Variants in SYT8 observed in about 807,000 individuals in gnomAD.
The protein encoded by SYT8 is synaptotagmin 8.
Under a neutral mutation model 34.9 loss-of-function variants are expected in SYT8, and 50 were observed. That is an observed-to-expected ratio of 1.43 (90% CI 1.14 to 1.81). SYT8 has a LOEUF of 1.81. Among genes scored for constraint, SYT8 ranks in the 40% most tolerant of loss-of-function variants. SYT8 has a pLI of 0.00. For missense variants in SYT8, 595 were observed against 529.0 expected (o/e 1.12, Z -1.22); for synonymous variants, 255 against 234.2 (o/e 1.09, Z -0.81).
In SYT8 at chr11:1,835,135, C is replaced by T; in HGVS notation, c.30C>T (p.Ala10=). The T allele has an allele frequency of 3.1e-6, 5 of 1,613,420 alleles. No individual in the cohort carries two copies. Among genetic ancestry groups the T allele is most frequent in the Non-Finnish European group, 4.2e-6 (5 of 1,179,916 alleles). The change falls in exon 1 of 8, where the codon GCC becomes GCT. Residue 10 remains alanine (A), a synonymous_variant. Coordinates refer to ENST00000341958, the MANE Select transcript of SYT8 (RefSeq NM_001394072.1). MGHPPVSPS[A]PAPAGTTAIP... is the part of the protein sequence containing the mutation. ...GGCACCCACCAGTCTCTCCCAGTGC[C>T]CCGGCCCCAGCTGGCACCACAGCTA...
chr11:1,835,462 G>A lies in SYT8; in HGVS notation c.258+3G>A. ...GCGGCACCACCACCACCCACCTGGT[G>A]AGGAGCGGCTCCTTGCTCACTCAGT... On this transcript the variant is annotated splice_donor_region_variant and intron_variant, in intron 2 of 7. Transcript: ENST00000341958. 6.2e-7 allele frequency: 1 copy of A among 1,609,178 alleles called. No homozygotes were observed. The highest frequency in any genetic ancestry group is 8.5e-7 in the Non-Finnish European group (1 of 1,179,590).
At position 1,837,312 on chromosome 11, in the gene SYT8, C is replaced by A; in HGVS notation, c.1045C>A (p.Leu349Met). 1.3e-5 allele frequency: 20 copies of A among 1,589,180 alleles called. No individual in the cohort carries two copies. The highest frequency in any genetic ancestry group is 1.7e-5 in the Non-Finnish European group (20 of 1,172,440). The change falls in exon 8 of 8, where the codon CTG becomes ATG. Residue 349 changes from leucine (L) to methionine (M), a missense_variant. Coordinates refer to ENST00000341958, the MANE Select transcript of SYT8 (RefSeq NM_001394072.1). ...GCCCCTGCAGCACTGGGCAGACATG[C>A]TGGCCCACGCCCGGCGGCCCATTGC... ...GQPLQHWADM[L>M]AHARRPIAQR... is the part of the protein sequence containing the mutation.
chr11:1,835,110 G>A lies in SYT8; in HGVS notation c.5G>A (p.Gly2Glu), dbSNP rs750221113. ...CCAAACCAGCAGGGTAGAAAGATGG[G>A]GCACCCACCAGTCTCTCCCAGTGCC... MGHPPVSPSAPA... is the reference protein window; with the variant it reads MEHPPVSPSAPA... The change falls in exon 1 of 8, where the codon GGG becomes GAG. Residue 2 changes from glycine (G) to glutamate (E), a missense_variant. Transcript: ENST00000341958. The A allele has an allele frequency of 1.2e-6, 2 of 1,613,072 alleles. No individual in the cohort carries two copies. Among genetic ancestry groups the A allele is most frequent in the Non-Finnish European group, 1.7e-6 (2 of 1,179,848 alleles).
At position 1,836,809 on chromosome 11, in the gene SYT8, C is replaced by G; in HGVS notation, c.738C>G (p.Gly246=). The change falls in exon 6 of 8, where the codon GGC becomes GGG. Residue 246 remains glycine (G), a synonymous_variant. Coordinates refer to ENST00000341958, the MANE Select transcript of SYT8 (RefSeq NM_001394072.1). ...CFSLRYVPSS[G]RLTVVVLEAR... Reference sequence around the variant, plus strand: ...CTCTCCGGTACGTGCCCAGCTCAGGCCGGCTGACCGTGGTGGTGCTGGAGG... The same window carrying G: ...CTCTCCGGTACGTGCCCAGCTCAGGGCGGCTGACCGTGGTGGTGCTGGAGG... The G allele has an allele frequency of 6.2e-7, 1 of 1,611,240 alleles. No homozygotes were observed. Among genetic ancestry groups the G allele is most frequent in the South Asian group, 1.1e-5 (1 of 91,084 alleles).
At chr11:1,834,272 C>T (rs568362368), upstream of SYT8, 42 of 513,400 alleles carry the variant, frequency 8.2e-5, no homozygotes, top group African/African-American at 3.4e-4. This position sits in a 1 kb window ranked among gnomAD's most constrained non-coding sequence, Gnocchi z 4.5. Flanking sequence ...CCAGCAGCTG[C>T]GCCCGCCCCA....
At position 1,836,285 on chromosome 11, in the gene SYT8, G is replaced by GT; in HGVS notation, c.516+2dup. On this transcript the variant is annotated splice_donor_variant, in intron 4 of 7. Transcript: ENST00000341958. LOFTEE classifies it high-confidence loss of function. ...GTTTGACGAGACCTGCTGCTTCCAC[G>GT]TGAGTCAGGGATGGTCGGCTGGGTG... is the stretch of plus-strand genomic sequence containing the variant. 6 of 1,547,536 alleles carry GT rather than the reference G, an allele frequency of 3.9e-6. No homozygotes were observed. The highest frequency in any genetic ancestry group is 1.3e-5 in the South Asian group (1 of 79,272).
chr11:1,836,309 T>C, intron 4 of SYT8, 25 bp downstream of exon 4: 3 of 1,514,204 alleles, frequency 2.0e-6, no homozygotes, highest in Non-Finnish European at 2.7e-6. Context: ...GTCGGCTGGG[T>C]GGGCCTGGAC....
At chr11:1,836,898 G>C (rs369178045) in intron 6 of SYT8, 37 bp downstream of exon 6, 36 of 1,612,596 alleles carry the variant, frequency 2.2e-5, no homozygotes, top group Non-Finnish European at 3.0e-5. Flanking sequence ...TGTACAGAGG[G>C]GGGGCCCGTG....
chr11:1,833,118 G>A (rs948495752), upstream of SYT8, among the ~76,000 whole-genome samples: 2 of 152,326 alleles, frequency 1.3e-5, no homozygotes. Context: ...TGGCCTGTTT[G>A]AATCTGGCCG....
Position 1,835,416 on chromosome 11 carries a change from C to T in SYT8, c.215C>T (p.Ser72Phe). Residue 72 changes from serine to phenylalanine, a missense_variant, in exon 2 of 8, where the codon TCC (serine) becomes TTC (phenylalanine). By Grantham distance (155) the Ser-to-Phe change is radical. Coordinates refer to ENST00000341958, the MANE Select transcript of SYT8 (RefSeq NM_001394072.1). ...AGGAAGAAGCCCAGGGACAAGGAGT[C>T]CGTGGGTCTGGGCAGTGCCCGCGGC... is the stretch of plus-strand genomic sequence containing the variant. Reference protein sequence around the residue: ...RHRKKPRDKESVGLGSARGTT... With the variant: ...RHRKKPRDKEFVGLGSARGTT... 1 of 1,609,746 alleles carries T rather than the reference C, an allele frequency of 6.2e-7. No homozygotes were observed. The highest frequency in any genetic ancestry group is 8.5e-7 in the Non-Finnish European group (1 of 1,179,520).
intron 4 of SYT8, 37 bp downstream of exon 4, chr11:1,836,321 G>A: frequency 6.6e-7 from 1 of 1,507,102 alleles, no homozygotes; most frequent in South Asian, 1.3e-5. Flanking sequence ...GGCCTGGACG[G>A]CTGGATGGGC....
chr11:1,831,879 G>C (rs571465771), upstream of SYT8: 1 of 416,246 alleles, frequency 2.4e-6, no homozygotes, highest in East Asian at 7.2e-5. Context: ...GCCGGCCACA[G>C]GAAGTGGTGG....
chr11:1,835,924 G>A lies in SYT8; in HGVS notation c.297G>A (p.Gly99=). The A allele has an allele frequency of 3.1e-6, 5 of 1,607,910 alleles. No homozygotes were observed. The highest frequency in any genetic ancestry group is 4.2e-6 in the Non-Finnish European group (5 of 1,178,344). Residue 99 remains glycine, a synonymous_variant, in exon 3 of 8, where the codon GGG becomes GGA. Coordinates refer to ENST00000341958, the MANE Select transcript of SYT8 (RefSeq NM_001394072.1). The part of the protein sequence containing the change: ...PDVDGLESSP[G]DAQQWGCLQL... Reference sequence around the variant, plus strand: ...TGGATGGCCTGGAGTCCAGCCCGGGGGATGCTCAGCAATGGGGGTGCCTGC... The same window carrying A: ...TGGATGGCCTGGAGTCCAGCCCGGGAGATGCTCAGCAATGGGGGTGCCTGC...
Position 1,835,579 on chromosome 11 carries a change from T to C in SYT8, c.258+120T>C, listed in dbSNP as rs764304467. 13 of 1,195,586 alleles carry C rather than the reference T, an allele frequency of 1.1e-5. No individual in the cohort carries two copies. In the African/African-American group the frequency reaches 1.7e-4, roughly 15 times the overall value. The allele number at this position is 1,195,586 out of a possible 1,614,324, so 74.1% of individuals were successfully genotyped here. On this transcript the variant is annotated intron_variant, in intron 2 of 7. Coordinates refer to ENST00000341958, the MANE Select transcript of SYT8 (RefSeq NM_001394072.1). Reference sequence around the variant, plus strand: ...GTTTAACCCCCACAGAGGCAGGGCGTTGAGGACCTTCCTGGCAGGGAAAGT... The same window carrying C: ...GTTTAACCCCCACAGAGGCAGGGCGCTGAGGACCTTCCTGGCAGGGAAAGT...
At chr11:1,835,782 G>A (rs936323555) in intron 2 of SYT8, 104 bp from the exon 3 acceptor site, 1 of 1,028,554 alleles carries the variant, frequency 9.7e-7, no homozygotes, top group Non-Finnish European at 1.5e-6. Flanking sequence ...CTGGCCTGGA[G>A]GCGGGGGGTC....
chr11:1,831,938 C>A (rs921698602), upstream of SYT8: 1 of 357,666 alleles, frequency 2.8e-6, no homozygotes, highest in Non-Finnish European at 5.6e-6. Context: ...CCCCAGCACT[C>A]GGGGAAACGT....
upstream of SYT8, chr11:1,833,794 C>T (rs970051707): frequency 6.6e-6 from 1 of 151,886 alleles, no homozygotes; most frequent in African/African-American, 2.5e-5. Context: ...GGGAGTGGGG[C>T]ATTGATGCTG....
Position 1,837,400 on chromosome 11 carries a change from T to C in SYT8, c.1133T>C (p.Leu378Pro). 2 of 1,604,702 alleles carry C rather than the reference T, an allele frequency of 1.2e-6. No homozygotes were observed. Among genetic ancestry groups the C allele is most frequent in the Non-Finnish European group, 1.7e-6 (2 of 1,179,538 alleles). The part of the protein sequence containing the change: ...VDRMLALQPR[L>P]RLRLPLPHS Reference sequence around the variant, plus strand: ...CGCATGCTGGCCCTGCAGCCCCGCCTTCGCCTGCGCCTGCCCTTGCCCCAC... The same window carrying C: ...CGCATGCTGGCCCTGCAGCCCCGCCCTCGCCTGCGCCTGCCCTTGCCCCAC... The change falls in exon 8 of 8, where the codon CTT (leucine) becomes CCT (proline). Residue 378 changes from leucine (L) to proline (P), a missense_variant. Transcript: ENST00000341958.
rs775248306 is a variant in SYT8 at position 1,837,420 on chromosome 11, C to T, written c.1153C>T (p.Pro385Ser). Residue 385 changes from proline to serine, a missense_variant, in exon 8 of 8, where the codon CCC (proline) becomes TCC (serine). Pro to Ser is a moderately conservative substitution (Grantham distance 74, BLOSUM62 -1). Coordinates refer to ENST00000341958, the MANE Select transcript of SYT8 (RefSeq NM_001394072.1). Reference sequence around the variant, plus strand: ...CCGCCTTCGCCTGCGCCTGCCCTTGCCCCACTCCTGAATGCACCACATGCC... The same window carrying T: ...CCGCCTTCGCCTGCGCCTGCCCTTGTCCCACTCCTGAATGCACCACATGCC... ...QPRLRLRLPL[P>S]HS is the part of the protein sequence containing the mutation. 2 of 1,605,774 alleles carry T rather than the reference C, an allele frequency of 1.2e-6. No homozygotes were observed. The highest frequency in any genetic ancestry group is 2.2e-5 in the South Asian group (2 of 91,024).
Sources: allele counts gnomAD v4.1 joint callset (sites outside exome capture counted in the v4.1 genomes callset), GRCh38; gene constraint gnomAD v4.1.1; non-coding constraint Gnocchi (gnomAD v3.1); transcripts MANE v1.5; gene names NCBI Gene and HGNC (gene_info 2026-07-23, HGNC 2026-07-21).